C1orf94: variants seen among roughly 807,000 people sequenced by gnomAD.
C1orf94 encodes the protein chromosome 1 open reading frame 94.
In C1orf94, 45 loss-of-function variants were observed where a neutral mutation model predicts 53.6. The observed-to-expected ratio is 0.84, with a 90% CI of 0.66 to 1.08. The LOEUF is 1.08. Ranked by LOEUF, C1orf94 falls within the 50% of genes least tolerant of loss-of-function variation. C1orf94 has a pLI of 0.00. For synonymous variants in C1orf94, 304 were observed against 296.1 expected (o/e 1.03, Z -0.27); for missense variants, 762 against 738.9 (o/e 1.03, Z -0.36).
At chr1:34,198,820 G>A (rs1225763926) in intron 2 of C1orf94, among the ~76,000 whole-genome samples, 2 of 152,214 alleles carry the variant, frequency 1.3e-5, no homozygotes, top group Admixed American at 1.3e-4. Flanking sequence ...ATAGCAAGCT[G>A]AACTCTGGGT....
chr1:34,172,666 A>G (rs1421939850), upstream of C1orf94, among the ~76,000 whole-genome samples: 1 of 152,244 alleles, frequency 6.6e-6, no homozygotes, highest in Non-Finnish European at 1.5e-5. Flanking sequence ...AATGGCAGAG[A>G]TCACCGATGG....
chr1:34,208,098 T>C (rs1164941758), intron 4 of C1orf94, 59 bp from the exon 5 acceptor site: 1 of 1,544,180 alleles, frequency 6.5e-7, no homozygotes, highest in East Asian at 2.3e-5. Flanking sequence ...GCTGAGTAGC[T>C]GATGCCTTCT....
chr1:34,188,739 G>A (rs1474130193), intron 1 of C1orf94, among the ~76,000 whole-genome samples: 7 of 152,274 alleles, frequency 4.6e-5, no homozygotes, highest in Middle Eastern at 3.4e-3. Context: ...AGGAGGGCTG[G>A]GGGTGGGGAG....
chr1:34,200,719 C>A, intron 2 of C1orf94, 53 bp from the exon 3 acceptor site: 1 of 1,601,950 alleles, frequency 6.2e-7, no homozygotes. Context: ...GTGCTTCCAG[C>A]ATCCAGCACT....
intron 4 of C1orf94, among the ~76,000 whole-genome samples, chr1:34,207,715 G>T (rs939114598): frequency 3.3e-5 from 5 of 152,220 alleles, no homozygotes; most frequent in Non-Finnish European, 4.4e-5. Flanking sequence ...TGTGTCTTCA[G>T]GGGGCAGGTA....
chr1:34,185,266 A>G (rs981247188), intron 1 of C1orf94, among the ~76,000 whole-genome samples: 9 of 151,604 alleles, frequency 5.9e-5, no homozygotes, highest in African/African-American at 2.2e-4. Context: ...TGCAACCTCC[A>G]CCTCCCGGGT....
chr1:34,205,881 G>A (rs1642785189), intron 4 of C1orf94, among the ~76,000 whole-genome samples: 2 of 152,286 alleles, frequency 1.3e-5, no homozygotes, highest in Admixed American at 1.3e-4. Context: ...TTGGCATAAA[G>A]GAACTCTGCT....
chr1:34,203,372 C>T lies in C1orf94; in HGVS notation c.1446+1113C>T, dbSNP rs558329125. Among the ~76,000 whole-genome samples the T allele has an allele frequency of 9.2e-5, 14 of 152,320 alleles. No homozygotes were observed. In the South Asian group the frequency reaches 1.7e-3, roughly 18 times the overall value. On this transcript the variant is annotated intron_variant, in intron 4 of 6. Coordinates refer to ENST00000488417, the MANE Select transcript of C1orf94 (RefSeq NM_001134734.2). ...GAACTCCCCGCCTCATGTGATCCAC[C>T]TGCTTCCACCTCCCAAAGAGCTGGG...
At chr1:34,202,395 C>G in intron 4 of C1orf94, 136 bp downstream of exon 4, 1 of 970,808 alleles carries the variant, frequency 1.0e-6, no homozygotes, top group African/African-American at 1.6e-5. Flanking sequence ...AGAGGCTTCG[C>G]TGGGGCTATG....
chr1:34,216,164 G>C (rs1172120497), intron 6 of C1orf94, among the ~76,000 whole-genome samples: 1 of 152,208 alleles, frequency 6.6e-6, no homozygotes, highest in Non-Finnish European at 1.5e-5. Flanking sequence ...ATAGGTAGGT[G>C]CATATAGGAG....
intron 1 of C1orf94, among the ~76,000 whole-genome samples, chr1:34,168,752 A>G (rs1412921863): frequency 6.6e-6 from 1 of 152,110 alleles, no homozygotes; most frequent in Non-Finnish European, 1.5e-5. Context: ...CCAAACTTCT[A>G]ATCAGGACAC....
intron 5 of C1orf94, among the ~76,000 whole-genome samples, chr1:34,208,788 A>G (rs1211110409): frequency 6.6e-6 from 1 of 152,154 alleles, no homozygotes; most frequent in Non-Finnish European, 1.5e-5. Flanking sequence ...GTGGATGGCA[A>G]GAGCCCAACA....
upstream of C1orf94, among the ~76,000 whole-genome samples, chr1:34,173,895 AG>A (rs1642183938): frequency 6.6e-6 from 1 of 152,238 alleles, no homozygotes; most frequent in Non-Finnish European, 1.5e-5. Flanking sequence ...CTCTATCTTC[AG>A]CACCTCAAAC....
chr1:34,201,840 A>G (rs894851655), intron 3 of C1orf94, among the ~76,000 whole-genome samples: 41 of 151,830 alleles, frequency 2.7e-4, no homozygotes, highest in Admixed American at 1.4e-3. Flanking sequence ...TTACTAGTGA[A>G]TGATGGAAAG....
intron 1 of C1orf94, among the ~76,000 whole-genome samples, chr1:34,193,719 T>G (rs561241127): frequency 6.6e-6 from 1 of 152,342 alleles, no homozygotes; most frequent in South Asian, 2.1e-4. Context: ...TGGGTAGGAT[T>G]AAATATGAAC....
Position 34,178,066 on chromosome 1 carries a change from G to T in C1orf94, c.277G>T (p.Val93Leu). ...WTSMEQLSVP[V>L]VGTLRGNELS... is the part of the protein sequence containing the mutation. ...CTCCATGGAGCAGCTCTCTGTCCCT[G>T]TGGTTGGAACTCTAAGAGGCAATGA... Residue 93 changes from valine (V) to leucine (L), a missense_variant, in exon 1 of 7, where the codon GTG (valine) becomes TTG (leucine). By Grantham distance (32) the Val-to-Leu change is conservative (BLOSUM62 1). Coordinates refer to ENST00000488417, the MANE Select transcript of C1orf94 (RefSeq NM_001134734.2). 6.4e-7 allele frequency: 1 copy of T among 1,551,720 alleles called. No individual in the cohort carries two copies. The highest frequency in any genetic ancestry group is 8.7e-7 in the Non-Finnish European group (1 of 1,146,994).
upstream of C1orf94, among the ~76,000 whole-genome samples, chr1:34,172,544 A>G (rs1048085163): frequency 6.6e-6 from 1 of 152,208 alleles, no homozygotes; most frequent in Non-Finnish European, 1.5e-5. Context: ...TTTATCAAGT[A>G]GTAGAGTAGG....
At chr1:34,179,115 A>G (rs1000754546) in intron 1 of C1orf94, among the ~76,000 whole-genome samples, 1 of 152,248 alleles carries the variant, frequency 6.6e-6, no homozygotes, top group Non-Finnish European at 1.5e-5. Flanking sequence ...TGCCTAAGCA[A>G]GAGCTAAGAA....
intron 4 of C1orf94, among the ~76,000 whole-genome samples, chr1:34,207,262 G>GGGGGGT (rs1021463420): frequency 2.0e-5 from 3 of 147,346 alleles, no homozygotes; most frequent in African/African-American, 7.5e-5. Context: ...AGTTCTGCGG[G>GGGGGGT]GTGTGTGTGT....
Sources: allele counts gnomAD v4.1 joint callset (sites outside exome capture counted in the v4.1 genomes callset), GRCh38; gene constraint gnomAD v4.1.1; transcripts MANE v1.5; gene names NCBI Gene and HGNC (gene_info 2026-07-23, HGNC 2026-07-21).